Variants in TRRAP observed in about 807,000 individuals in gnomAD.
TRRAP encodes the protein transformation/transcription domain-associated protein.
Under a neutral mutation model 438.8 loss-of-function variants are expected in TRRAP, and 41 were observed. The observed-to-expected ratio is 0.09, with a 90% CI of 0.07 to 0.12. The LOEUF (loss-of-function observed/expected upper bound fraction) is 0.12, where lower values mean the gene tolerates loss of function less well. TRRAP is among the 10% of genes least tolerant of loss of function. The probability of loss-of-function intolerance (pLI) is 1.00; values close to 1 mark genes in which losing one functional copy is unlikely to be tolerated. For synonymous variants in TRRAP, 1,994 were observed against 1,962.9 expected, an observed-to-expected ratio of 1.02 and a Z score of -0.42; for missense variants, 3,122 against 5,055.1, an observed-to-expected ratio of 0.62 and a Z score of 11.60.
rs1790095715 is a variant in TRRAP, at chr7:98,927,359, G to A, written c.3168G>A (p.Gln1056=). The A allele has an allele frequency of 1.2e-6, 2 of 1,614,198 alleles. No individual in the cohort carries two copies. Among genetic ancestry groups the A allele is most frequent in the Admixed American group, 1.7e-5 (1 of 60,032 alleles). ...ACTATACGATGGTGGCAGTCGCCCA[G>A]CAGTGTGGTGAGCACGGGGGCACGG... ...IRHYTMVAVA[Q]QCGPFLLPCY... The change falls in exon 23 of 73, where the codon CAG becomes CAA. Residue 1056 remains glutamine, a synonymous_variant. Transcript: ENST00000456197.
intron 67 of TRRAP, among the ~76,000 whole-genome samples, chr7:98,997,483 CAAAAAAA>C (rs61132070): frequency 6.8e-4 from 29 of 42,622 alleles, no homozygotes; most frequent in Middle Eastern, 0.036. Flanking sequence ...ACTGCTGTTG[CAAAAAAA>C]AAAAAAAAAA....
chr7:99,008,014 C>G (rs575900716), intron 69 of TRRAP, among the ~76,000 whole-genome samples: 3 of 151,520 alleles, frequency 2.0e-5, no homozygotes, highest in East Asian at 2.0e-4. Context: ...TTAGTAGAGA[C>G]GAGGTTTCAC....
chr7:98,948,571 G>C lies in TRRAP; in HGVS notation c.4674G>C (p.Gly1558=). 1.2e-6 allele frequency: 2 copies of C among 1,614,176 alleles called. No individual in the cohort carries two copies. Among genetic ancestry groups the C allele is most frequent in the Non-Finnish European group, 1.7e-6 (2 of 1,180,038 alleles). ...CATTCCCACATGTTTTGCAGGCGGGGAGTCCATTCCGAGAGCCCCTGATCA... is the reference window on the plus strand; with the variant it reads ...CATTCCCACATGTTTTGCAGGCGGGCAGTCCATTCCGAGAGCCCCTGATCA... ...KTERAMLIEA[G]SPFREPLIKF... Residue 1558 remains glycine (G), a synonymous_variant, in exon 35 of 73, where the codon GGG becomes GGC. Coordinates refer to ENST00000456197, the MANE Select transcript of TRRAP (RefSeq NM_001375524.1). This position sits in a 1 kb window ranked among gnomAD's most constrained non-coding sequence, Gnocchi z 4.9.
At chr7:98,896,186 CTT>C (rs1223251825) in intron 7 of TRRAP, among the ~76,000 whole-genome samples, 8 of 151,618 alleles carry the variant, frequency 5.3e-5, no homozygotes, top group African/African-American at 1.5e-4. Context: ...GGCTCGAAGA[CTT>C]TTTGGGGAGG....
intron 28 of TRRAP, among the ~76,000 whole-genome samples, chr7:98,935,916 T>C (rs1790532684): frequency 6.6e-6 from 1 of 152,248 alleles, no homozygotes; most frequent in African/African-American, 2.4e-5. Context: ...CTGTTGTTGT[T>C]TTATGAATCA....
At chr7:98,882,074 T>C in intron 3 of TRRAP, 50 bp downstream of exon 3, 1 of 1,503,480 alleles carries the variant, frequency 6.7e-7, no homozygotes, top group East Asian at 2.3e-5. Context: ...ATATTCTTAT[T>C]CACTTTCCTG....
chr7:98,883,496 A>G (rs948785048), intron 3 of TRRAP, among the ~76,000 whole-genome samples: 1 of 152,200 alleles, frequency 6.6e-6, no homozygotes, highest in Non-Finnish European at 1.5e-5. Flanking sequence ...GCTGTGGGCC[A>G]TGTTATCCTG....
intron 40 of TRRAP, among the ~76,000 whole-genome samples, chr7:98,954,384 C>CT (rs1554419000): frequency 2.0e-5 from 3 of 152,248 alleles, no homozygotes; most frequent in African/African-American, 7.2e-5. Context: ...GTGAGACCGT[C>CT]TTTGACAGCT....
intron 48 of TRRAP, among the ~76,000 whole-genome samples, chr7:98,965,474 A>C (rs895717391): frequency 2.0e-5 from 3 of 152,084 alleles, no homozygotes; most frequent in Non-Finnish European, 4.4e-5. Context: ...AGCCACCTGC[A>C]CTGGTCCGTC....
intron 3 of TRRAP, among the ~76,000 whole-genome samples, chr7:98,883,130 T>C (rs554519656): frequency 2.0e-5 from 3 of 152,374 alleles, no homozygotes; most frequent in African/African-American, 7.2e-5. Context: ...AATTGTATAT[T>C]GTCCTGCATG....
chr7:98,961,249 TGTC>T lies in TRRAP; in HGVS notation c.6490-11_6490-9del, dbSNP rs752726039. ...TGTTTCCTCTGTGAGTGGCCTGTGT[TGTC>T]CATTGCAGGAGCAGCCAAACCAAGT... On this transcript the variant is annotated splice_polypyrimidine_tract_variant and intron_variant, in intron 45 of 72. Transcript: ENST00000456197. 7 of 1,613,736 alleles carry T rather than the reference TGTC, an allele frequency of 4.3e-6. No individual in the cohort carries two copies. The African/African-American group carries it at 9.3e-5, about 22-fold the overall frequency.
chr7:98,912,252 G>C, intron 18 of TRRAP, 39 bp downstream of exon 18: 1 of 1,591,950 alleles, frequency 6.3e-7, no homozygotes, highest in Admixed American at 1.7e-5. Flanking sequence ...TCTGTTCAGG[G>C]TTTTTTATTG....
In TRRAP at chr7:98,908,653, G is replaced by T; in HGVS notation, c.1116-75G>T. The T allele has an allele frequency of 7.3e-7, 1 of 1,372,920 alleles. No homozygotes were observed. 85.0% of individuals were successfully genotyped at this position (1,372,920 alleles called of 1,614,324 possible). A position where few individuals can be genotyped will look rare whatever the true frequency, so the allele number is the denominator to read the frequency against. ...AGGGGTGGTGTTCCTGGGGCAGATG[G>T]TGATATCCTTGGTGGCCTGCTGCAG... On this transcript the variant is annotated intron_variant, in intron 13 of 72. Coordinates refer to ENST00000456197, the MANE Select transcript of TRRAP (RefSeq NM_001375524.1). The surrounding 1 kb of genome is among the most constrained non-coding windows in gnomAD (Gnocchi z 4.1).
chr7:98,971,049 AC>A (rs1360310505), intron 52 of TRRAP, among the ~76,000 whole-genome samples: 1 of 152,066 alleles, frequency 6.6e-6, no homozygotes, highest in Non-Finnish European at 1.5e-5. Flanking sequence ...GGAGACAGTC[AC>A]CCCGTGCTGC....
chr7:98,909,432 G>C (rs781996650), intron 14 of TRRAP, among the ~76,000 whole-genome samples: 1 of 152,168 alleles, frequency 6.6e-6, no homozygotes, highest in African/African-American at 2.4e-5. Flanking sequence ...CTTCACTTCT[G>C]TGCACCAGTT....
chr7:98,983,846 C>T (rs1584392053), intron 60 of TRRAP, among the ~76,000 whole-genome samples: 2 of 152,078 alleles, frequency 1.3e-5, no homozygotes, highest in African/African-American at 4.8e-5. Flanking sequence ...TGTCAGGCAT[C>T]CACGTGTTTA....
Position 98,891,680 on chromosome 7 carries a change from C to T in TRRAP, c.262-744C>T, listed in dbSNP as rs1368425528. On this transcript the variant is annotated intron_variant, in intron 4 of 72. Coordinates refer to ENST00000456197, the MANE Select transcript of TRRAP (RefSeq NM_001375524.1). ...CCTCCCGAGTAGCTGGGACTACAGGCGCCTGCCACCACACCCAGCTAATTT... is the reference window on the plus strand; with the variant it reads ...CCTCCCGAGTAGCTGGGACTACAGGTGCCTGCCACCACACCCAGCTAATTT... Among the ~76,000 whole-genome samples the T allele has an allele frequency of 5.9e-5, 9 of 151,714 alleles. No individual in the cohort carries two copies. The South Asian group carries it at 1.0e-3, about 18-fold the overall frequency.
rs766293050 is a variant in TRRAP at position 98,976,697 on chromosome 7, G to A, written c.8174G>A (p.Gly2725Asp). 6.2e-7 allele frequency: 1 copy of A among 1,614,150 alleles called. No homozygotes were observed. Among genetic ancestry groups the A allele is most frequent in the Non-Finnish European group, 8.5e-7 (1 of 1,180,028 alleles). The change falls in exon 55 of 73, where the codon GGT (glycine) becomes GAT (aspartate). Residue 2725 changes from glycine to aspartate, a missense_variant. Physicochemically the swap from Gly to Asp is moderately conservative, Grantham distance 94. This residue lies in a region of TRRAP where 992 missense variants were observed against 1,281.2 expected (regional missense o/e 0.77). Transcript: ENST00000456197. The surrounding 1 kb of genome is among the most constrained non-coding windows in gnomAD (Gnocchi z 4.6). ...TTGGAGCACCAGGCTTTTGAAAAGG[G>A]TCTGAGTCTTCAGATTAAGCCGAAG... The part of the protein sequence containing the change: ...LMLEHQAFEK[G>D]LSLQIKPKQT...
chr7:98,925,399 CCTT>C lies in TRRAP; in HGVS notation c.2975+140_2975+142del, dbSNP rs1215667281. 12 of 1,263,760 alleles carry C rather than the reference CCTT, an allele frequency of 9.5e-6. 1 individual carries two copies. The highest frequency in any genetic ancestry group is 2.9e-4 in the Middle Eastern group (1 of 3,492). The allele number at this position is 1,263,760 out of a possible 1,614,324, so 78.3% of individuals were successfully genotyped here. A position where few individuals can be genotyped will look rare whatever the true frequency, so the allele number is the denominator to read the frequency against. ...GCAGATGCCATATTATCTACCTACT[CCTT>C]CTTGTTGGGGCCTTAGAGAAAATGG... On this transcript the variant is annotated intron_variant, in intron 22 of 72. Transcript: ENST00000456197.
Sources: gnomAD v4.1 joint callset for allele counts (sites outside exome capture counted in the v4.1 genomes callset) on GRCh38, gnomAD v4.1.1 for gene constraint, gnomAD v4.1.1 regional missense constraint, Gnocchi (gnomAD v3.1) non-coding constraint, MANE v1.5 for transcripts, NCBI Gene and HGNC (gene_info 2026-07-23, HGNC 2026-07-21) for gene names.